Variants in NRXN3 observed in about 807,000 individuals in gnomAD.
NRXN3 encodes the protein neurexin III.
NRXN3 carries 32 observed loss-of-function variants against 137.6 expected under a neutral mutation model. The observed-to-expected ratio is 0.23, with a 90% confidence interval of 0.18 to 0.31. The LOEUF (loss-of-function observed/expected upper bound fraction) is 0.31. Among genes scored for constraint, NRXN3 ranks in the 10% least tolerant of loss-of-function variants. The pLI is 1.00. For synonymous variants in NRXN3, 798 were observed against 784.5 expected (o/e 1.02, Z -0.29); for missense variants, 1,574 against 2,062.5 (o/e 0.76, Z 4.59).
intron 15 of NRXN3, among the ~76,000 whole-genome samples, chr14:79,237,080 GT>G (rs778317264): frequency 1.2e-3 from 180 of 144,166 alleles, no homozygotes; most frequent in African/African-American, 2.5e-3. Flanking sequence ...TCACAAGGGT[GT>G]TTTTTTTTTT....
chr14:79,341,004 T>A (rs531435669), intron 15 of NRXN3, among the ~76,000 whole-genome samples: 1 of 152,306 alleles, frequency 6.6e-6, no homozygotes, highest in East Asian at 1.9e-4. Context: ...AAAATGAGAA[T>A]TGCGCTAATG....
chr14:78,411,473 A>G (rs1423571429), intron 4 of NRXN3, among the ~76,000 whole-genome samples: 1 of 152,130 alleles, frequency 6.6e-6, no homozygotes, highest in Admixed American at 6.5e-5. Flanking sequence ...CAGTGTCCTG[A>G]TTAGTCCACA....
chr14:78,638,911 T>G (rs1350454862), intron 4 of NRXN3, among the ~76,000 whole-genome samples: 1 of 152,248 alleles, frequency 6.6e-6, no homozygotes, highest in Non-Finnish European at 1.5e-5. Flanking sequence ...CGTTTCTTTC[T>G]GCAGTTGTGT....
intron 15 of NRXN3, among the ~76,000 whole-genome samples, chr14:79,202,587 C>T (rs937735349): frequency 3.3e-5 from 5 of 152,072 alleles, no homozygotes; most frequent in East Asian, 1.9e-4. Flanking sequence ...AATACCTTTG[C>T]GTCCTCATAG....
chr14:79,494,695 G>T (rs1277057445), intron 16 of NRXN3, among the ~76,000 whole-genome samples: 1 of 152,078 alleles, frequency 6.6e-6, no homozygotes, highest in Non-Finnish European at 1.5e-5. Context: ...TTTTAGATTT[G>T]CAGAAAAGTT....
chr14:79,733,318 A>T (rs958881081), intron 19 of NRXN3, among the ~76,000 whole-genome samples: 4 of 152,226 alleles, frequency 2.6e-5, no homozygotes, highest in African/African-American at 7.2e-5. Context: ...TTACTGTGTC[A>T]AATGTAATAT....
chr14:79,255,305 A>G (rs1225357515), intron 15 of NRXN3, among the ~76,000 whole-genome samples: 2 of 152,192 alleles, frequency 1.3e-5, no homozygotes, highest in Admixed American at 1.3e-4. Context: ...TCTCCATAAT[A>G]GGCCAGATTT....
chr14:79,274,686 G>T (rs1163315516), intron 15 of NRXN3, among the ~76,000 whole-genome samples: 1 of 152,018 alleles, frequency 6.6e-6, no homozygotes, highest in East Asian at 1.9e-4. Context: ...GCTAAATAAG[G>T]TTTTCACAGG....
chr14:78,709,462 A>C lies in NRXN3; in HGVS notation c.1467A>C (p.Gly489=), dbSNP rs1179742358. Residue 489 remains glycine (G), a synonymous_variant, in exon 7 of 21, where the codon GGA becomes GGC. Coordinates refer to ENST00000335750, the MANE Select transcript of NRXN3 (RefSeq NM_001330195.2). ...EPNGLILFTH[G]KPQERKDARS... ...ATGGCCTGATCCTCTTCACTCATGG[A>C]AAGCCCCAAGAGAGGAAGGATGCTC... is the stretch of plus-strand genomic sequence containing the variant. 1.2e-6 allele frequency: 2 copies of C among 1,613,994 alleles called. No individual in the cohort carries two copies. The highest frequency in any genetic ancestry group is 2.7e-5 in the African/African-American group (2 of 74,906).
chr14:79,086,709 C>A (rs2152784406), intron 15 of NRXN3, among the ~76,000 whole-genome samples: 1 of 152,176 alleles, frequency 6.6e-6, no homozygotes. Context: ...CTCAATGCTT[C>A]TTTTTATTCG....
intron 20 of NRXN3, among the ~76,000 whole-genome samples, chr14:79,824,592 C>T (rs1176238655): frequency 6.6e-6 from 1 of 152,104 alleles, no homozygotes; most frequent in African/African-American, 2.4e-5. Context: ...GCTGGTAAAA[C>T]AAATGGTCCA....
At chr14:78,846,473 T>C (rs1353107308) in intron 10 of NRXN3, among the ~76,000 whole-genome samples, 2 of 152,144 alleles carry the variant, frequency 1.3e-5, no homozygotes, top group Non-Finnish European at 2.9e-5. Context: ...TTAAATACCA[T>C]AATGTATGTC....
At chr14:79,743,477 T>C (rs2098969492) in intron 19 of NRXN3, among the ~76,000 whole-genome samples, 1 of 152,210 alleles carries the variant, frequency 6.6e-6, no homozygotes, top group Admixed American at 6.5e-5. Flanking sequence ...GACCATTCCT[T>C]ACACACAAAC....
At chr14:79,726,038 G>A (rs1454243777) in intron 19 of NRXN3, among the ~76,000 whole-genome samples, 1 of 152,074 alleles carries the variant, frequency 6.6e-6, no homozygotes, top group Non-Finnish European at 1.5e-5. Flanking sequence ...CACATTTTGG[G>A]AAGAAATTCC....
intron 4 of NRXN3, among the ~76,000 whole-genome samples, chr14:78,486,245 C>A (rs2095557312): frequency 6.6e-6 from 1 of 152,182 alleles, no homozygotes; most frequent in Non-Finnish European, 1.5e-5. Context: ...CTGGGGCCTA[C>A]CTTTTTCCTG....
intron 15 of NRXN3, among the ~76,000 whole-genome samples, chr14:79,075,408 T>C (rs144080117): frequency 1.3e-5 from 2 of 152,312 alleles, no homozygotes; most frequent in East Asian, 3.9e-4. Flanking sequence ...CAGTAGGACA[T>C]TGACAATGCA....
At chr14:78,926,916 ATATAATATATAATATATT>A (rs2099303881) in intron 10 of NRXN3, among the ~76,000 whole-genome samples, 1 of 30,516 alleles carries the variant, frequency 3.3e-5, no homozygotes, top group Non-Finnish European at 4.5e-5. Context: ...TATAATATAT[ATATAATATATAATATATT>A]TATATATATA....
At position 78,903,147 on chromosome 14, in the gene NRXN3, CT is replaced by C. The variant is rs965920523; in HGVS notation, c.2276-54078del. On this transcript the variant is annotated intron_variant, in intron 10 of 20. Coordinates refer to ENST00000335750, the MANE Select transcript of NRXN3 (RefSeq NM_001330195.2). The stretch of plus-strand genomic sequence containing the variant: ...GAAATAAACAATGAAGTTTCATCTT[CT>C]TTTTTTTTTTTTTTTTCTGAGACAG... 2.4e-3 allele frequency among the ~76,000 whole-genome samples: 296 copies of C among 121,466 alleles called. 1 individual carries two copies. Among genetic ancestry groups the C allele is most frequent in the African/African-American group, 6.8e-3 (202 of 29,666 alleles). The allele number at this position is 121,466 out of a possible 152,430, so 79.7% of individuals were successfully genotyped here.
intron 15 of NRXN3, among the ~76,000 whole-genome samples, chr14:79,410,891 A>T (rs2095408448): frequency 6.6e-6 from 1 of 152,098 alleles, no homozygotes; most frequent in South Asian, 2.1e-4. Context: ...TTAACACATT[A>T]TTTCATTTAA....
Sources: gnomAD v4.1 joint callset for allele counts (sites outside exome capture counted in the v4.1 genomes callset) on GRCh38, gnomAD v4.1.1 for gene constraint, MANE v1.5 for transcripts, NCBI Gene and HGNC (gene_info 2026-07-23, HGNC 2026-07-21) for gene names.